APC: variants seen among roughly 807,000 people sequenced by gnomAD.
APC encodes APC regulator of Wnt signaling pathway.
A neutral mutation model predicts 247.0 loss-of-function variants in APC; 72 were observed. The observed-to-expected ratio is 0.29, with a 90% CI of 0.24 to 0.35. The LOEUF (loss-of-function observed/expected upper bound fraction) is 0.35. Among genes scored for constraint, APC ranks in the 10% least tolerant of loss-of-function variants. The probability of loss-of-function intolerance (pLI) is 1.00; values close to 1 mark genes in which losing one functional copy is unlikely to be tolerated. For synonymous variants in APC, 1,254 were observed against 1,162.5 expected, an observed-to-expected ratio of 1.08 and a Z score of -1.60; for missense variants, 3,400 against 3,360.7, an observed-to-expected ratio of 1.01 and a Z score of -0.29.
At chr5:112,777,985 C>A (rs367753665) in intron 5 of APC, 1 of 187,014 alleles carries the variant, frequency 5.3e-6, no homozygotes, top group East Asian at 1.5e-4. Context: ...AACCCTGAAC[C>A]ATCTAAATTT....
chr5:112,840,436 G>T lies in APC; in HGVS notation c.4842G>T (p.Val1614=), dbSNP rs919961971. 6.2e-7 allele frequency: 1 copy of T among 1,614,198 alleles called. No homozygotes were observed. ...PVARKPSQLP[V]YKLLPSQNRL... is the part of the protein sequence containing the mutation. ...CAAGGAAACCAAGTCAGCTGCCTGT[G>T]TACAAACTTCTACCATCACAAAACA... The change falls in exon 16 of 16, where the codon GTG becomes GTT. Residue 1614 remains valine, a synonymous_variant. Transcript: ENST00000257430. The surrounding 1 kb of genome is among the most constrained non-coding windows in gnomAD (Gnocchi z 4.1).
chr5:112,781,068 A>G (rs1271443434), intron 6 of APC, among the ~76,000 whole-genome samples, 165 bp downstream of exon 6: 4 of 152,322 alleles, frequency 2.6e-5, no homozygotes, highest in Admixed American at 6.5e-5. Context: ...AACATAATCA[A>G]TATTCACATA....
chr5:112,838,486 A>AAAT lies in APC; in HGVS notation c.2894_2896dup (p.Asn965dup), dbSNP rs2149879628. 2 of 1,614,238 alleles carry AAAT rather than the reference A, an allele frequency of 1.2e-6. No individual in the cohort carries two copies. Among genetic ancestry groups the AAAT allele is most frequent in the Non-Finnish European group, 1.7e-6 (2 of 1,180,038 alleles). On this transcript the variant is annotated inframe_insertion, in exon 16 of 16. Coordinates refer to ENST00000257430, the MANE Select transcript of APC (RefSeq NM_000038.6). ...ACAAGAGATCTTCAAATGATAGTTT[A>AAAT]AATAGTGTCAGTAGTAGTGATGGTT...
At chr5:112,826,140 G>A (rs1763634137) in intron 11 of APC, among the ~76,000 whole-genome samples, 1 of 150,826 alleles carries the variant, frequency 6.6e-6, no homozygotes, top group Non-Finnish European at 1.5e-5. Context: ...GAACTTCCCA[G>A]ATCACTTATT....
rs181975775 is a variant in APC, at chr5:112,799,707, C to T, written c.730-1572C>T. On this transcript the variant is annotated intron_variant, in intron 7 of 15. Transcript: ENST00000257430. ...AAAGGCAAGAATGCCATCTAAGAATCGCAGAAAAAGGCATTAAAATTTAAA... is the reference window on the plus strand; with the variant it reads ...AAAGGCAAGAATGCCATCTAAGAATTGCAGAAAAAGGCATTAAAATTTAAA... Among the ~76,000 whole-genome samples the T allele has an allele frequency of 3.1e-3, 478 of 152,262 alleles. 2 individuals are homozygous for T. In the Middle Eastern group the frequency reaches 0.048, roughly 15 times the overall value.
chr5:112,818,661 T>TA (rs1038557150), intron 9 of APC, among the ~76,000 whole-genome samples: 1 of 152,134 alleles, frequency 6.6e-6, no homozygotes, highest in African/African-American at 2.4e-5. Context: ...AGCACCAACT[T>TA]ATCTAGGCAA....
intron 1 of APC, among the ~76,000 whole-genome samples, chr5:112,741,995 A>G (rs1356498629): frequency 6.6e-6 from 1 of 152,176 alleles, no homozygotes; most frequent in Admixed American, 6.5e-5. Context: ...CATTGCATGT[A>G]TATGCCACAT....
rs395266 is a variant in APC at position 112,809,257 on chromosome 5, T to C, written c.835-6238T>C. Among the ~76,000 whole-genome samples, 99,629 of 151,172 alleles carry C rather than the reference T, an allele frequency of 0.66. 33,136 individuals are homozygous for C. The highest frequency in any genetic ancestry group is 0.9 in the East Asian group (4,656 of 5,158). The stretch of plus-strand genomic sequence containing the variant: ...CCTGAGGTCCCAGCTACTTGGGAGG[T>C]TGAGGTGGCTGACCCTGGAAGGTCA... On this transcript the variant is annotated intron_variant, in intron 8 of 15. Coordinates refer to ENST00000257430, the MANE Select transcript of APC (RefSeq NM_000038.6).
chr5:112,787,099 T>G (rs1759045293), intron 6 of APC, among the ~76,000 whole-genome samples: 1 of 152,042 alleles, frequency 6.6e-6, no homozygotes, highest in Non-Finnish European at 1.5e-5. Context: ...TGTTGCCCAG[T>G]CTGGCCTCGA....
upstream of APC, among the ~76,000 whole-genome samples, chr5:112,735,874 T>G (rs1165019576): frequency 6.6e-6 from 1 of 152,216 alleles, no homozygotes; most frequent in Non-Finnish European, 1.5e-5. Flanking sequence ...TTTAAGTCAC[T>G]GATGAATATC....
Position 112,741,750 on chromosome 5 carries a change from T to A in APC, c.-19+3825T>A, listed in dbSNP as rs4705608. ...ATTTTTAATCTTCCCTAATTAAAACTCTGTGCACATTAAACACTAACATGC... is the reference window on the plus strand; with the variant it reads ...ATTTTTAATCTTCCCTAATTAAAACACTGTGCACATTAAACACTAACATGC... On this transcript the variant is annotated intron_variant, in intron 1 of 15. Coordinates refer to ENST00000257430, the MANE Select transcript of APC (RefSeq NM_000038.6). Among the ~76,000 whole-genome samples the A allele has an allele frequency of 0.4, 60,897 of 151,960 alleles. 14,677 individuals are homozygous for A. The highest frequency in any genetic ancestry group is 0.66 in the East Asian group (3,405 of 5,166).
At chr5:112,734,094 A>G (rs368957838), upstream of APC, among the ~76,000 whole-genome samples, 37 of 152,262 alleles carry the variant, frequency 2.4e-4, no homozygotes, top group South Asian at 7.7e-3. Context: ...TTGCGAGGCC[A>G]AGGCAGGAGG....
At chr5:112,728,319 A>G (rs1751911944) in intron 1 of APC, among the ~76,000 whole-genome samples, 1 of 151,938 alleles carries the variant, frequency 6.6e-6, no homozygotes, top group African/African-American at 2.4e-5. Flanking sequence ...TTTAGTAGAG[A>G]CGGGGTTTCA....
In APC at chr5:112,780,758, T is replaced by C. The variant is rs112108777; in HGVS notation, c.532-32T>C. ...TTTACTGATTAACGTAAATACAAGA[T>C]ATTGATACTTTTTTATTATTTGTGG... On this transcript the variant is annotated intron_variant, in intron 5 of 15. Coordinates refer to ENST00000257430, the MANE Select transcript of APC (RefSeq NM_000038.6). 1,275 of 1,465,682 alleles carry C rather than the reference T, an allele frequency of 8.7e-4. 10 individuals carry two copies. The African/African-American group carries it at 0.016, about 19-fold the overall frequency. The allele number at this position is 1,465,682 out of a possible 1,614,324, so 90.8% of individuals were successfully genotyped here.
In APC at chr5:112,792,547, C is replaced by T. The variant is rs780490642; in HGVS notation, c.729+18C>T. On this transcript the variant is annotated intron_variant, in intron 7 of 15. Coordinates refer to ENST00000257430, the MANE Select transcript of APC (RefSeq NM_000038.6). Reference sequence around the variant, plus strand: ...AAGCAGAGGTTAGTAAATTGCCTTTCTTGTTTGTGGGTATAAAAATAGGTA... The same window carrying T: ...AAGCAGAGGTTAGTAAATTGCCTTTTTTGTTTGTGGGTATAAAAATAGGTA... The T allele has an allele frequency of 6.3e-7, 1 of 1,590,172 alleles. No homozygotes were observed. Among genetic ancestry groups the T allele is most frequent in the Non-Finnish European group, 8.6e-7 (1 of 1,159,272 alleles).
At chr5:112,719,114 G>A (rs1024431141) in intron 1 of APC, among the ~76,000 whole-genome samples, 1 of 152,178 alleles carries the variant, frequency 6.6e-6, no homozygotes, top group Non-Finnish European at 1.5e-5. Context: ...GGGACTGTAT[G>A]GAGGAGGGAG....
rs776634852 is a variant in APC at position 112,842,986 on chromosome 5, T to A, written c.7392T>A (p.Ser2464=). The change falls in exon 16 of 16, where the codon TCT becomes TCA. Residue 2464 remains serine (S), a synonymous_variant. Transcript: ENST00000257430. ...RKLEESASFE[S]LSPSSRPASP... is the part of the protein sequence containing the mutation. ...TGGAGGAATCTGCTTCATTTGAATC[T>A]CTTTCTCCATCATCTAGACCAGCTT... The A allele has an allele frequency of 6.2e-7, 1 of 1,614,082 alleles. No homozygotes were observed. The highest frequency in any genetic ancestry group is 1.1e-5 in the South Asian group (1 of 91,080).
In APC at chr5:112,843,756, G is replaced by A. The variant is rs587780606; in HGVS notation, c.8162G>A (p.Arg2721His). The A allele has an allele frequency of 2.2e-5, 35 of 1,613,798 alleles. No homozygotes were observed. Among genetic ancestry groups the A allele is most frequent in the South Asian group, 4.4e-5 (4 of 91,074 alleles). The change falls in exon 16 of 16, where the codon CGC (arginine) becomes CAC (histidine). Residue 2721 changes from arginine to histidine, a missense_variant. Around this residue, in one of 9 missense-constraint regions of APC, gnomAD observed 1,788 missense variants for 1,649.5 expected, o/e 1.08. Coordinates refer to ENST00000257430, the MANE Select transcript of APC (RefSeq NM_000038.6). The surrounding 1 kb of genome is among the most constrained non-coding windows in gnomAD (Gnocchi z 4.8). ...ATGCGTACCGTGGGTTTGGAAAATC[G>A]CCTGAACTCCTTTATTCAGGTGGAT... is the stretch of plus-strand genomic sequence containing the variant. Reference protein sequence around the residue: ...VPMRTVGLENRLNSFIQVDAP... With the variant: ...VPMRTVGLENHLNSFIQVDAP...
chr5:112,836,860 C>T (rs1323402953), intron 15 of APC, among the ~76,000 whole-genome samples: 2 of 151,718 alleles, frequency 1.3e-5, no homozygotes, highest in Non-Finnish European at 2.9e-5. Context: ...ACTACCATGC[C>T]CGGCTAATTT....
Sources: gnomAD v4.1 joint callset for allele counts (sites outside exome capture counted in the v4.1 genomes callset) on GRCh38, gnomAD v4.1.1 for gene constraint, gnomAD v4.1.1 regional missense constraint, Gnocchi (gnomAD v3.1) non-coding constraint, MANE v1.5 for transcripts, NCBI Gene and HGNC (gene_info 2026-07-23, HGNC 2026-07-21) for gene names.